Variants in ZFYVE26 observed in about 807,000 individuals in gnomAD.
The protein encoded by ZFYVE26 is zinc finger FYVE-type containing 26.
ZFYVE26 carries 181 observed loss-of-function variants against 276.5 expected under a neutral mutation model. The ratio of observed to expected loss-of-function variants is 0.65; its 90% CI spans 0.58 to 0.74. The LOEUF is 0.74. ZFYVE26 is among the 30% of genes least tolerant of loss of function. The pLI, the probability that ZFYVE26 is intolerant of heterozygous loss-of-function variation, is 0.00. For synonymous variants in ZFYVE26, 1,129 were observed against 1,203.1 expected, an observed-to-expected ratio of 0.94 and a Z score of 1.27; for missense variants, 2,821 against 3,097.9, an observed-to-expected ratio of 0.91 and a Z score of 2.12.
chr14:67,755,990 C>G lies in ZFYVE26; in HGVS notation c.6744G>C (p.Lys2248Asn). Residue 2248 changes from lysine (K) to asparagine (N), a missense_variant, in exon 36 of 42, where the codon AAG becomes AAC. Transcript: ENST00000347230. ...GCTCATACAGAATGTGGTAGTAGTTCTTCTTCTGTAAATGTTGGCAGGCAG... is the reference window on the plus strand; with the variant it reads ...GCTCATACAGAATGTGGTAGTAGTTGTTCTTCTGTAAATGTTGGCAGGCAG... ...LIAACQHLQK[K>N]NYYHILYELQ... 2 of 1,614,194 alleles carry G rather than the reference C, an allele frequency of 1.2e-6. No individual in the cohort carries two copies. Among genetic ancestry groups the G allele is most frequent in the South Asian group, 1.1e-5 (1 of 91,084 alleles).
chr14:67,750,972 G>T (rs1275479056), intron 41 of ZFYVE26, 80 bp downstream of exon 41: 2 of 1,542,610 alleles, frequency 1.3e-6, no homozygotes, highest in South Asian at 1.1e-5. Flanking sequence ...CTATTGTGGG[G>T]AGCAAGGGAT....
In ZFYVE26 at chr14:67,799,571, G is replaced by A. The variant is rs557913481; in HGVS notation, c.1640-949C>T. 150 of 1,518,952 alleles carry A rather than the reference G, an allele frequency of 9.9e-5. 1 individual carries two copies. In the East Asian group the frequency reaches 2.9e-3, roughly 30 times the overall value. 94.1% of individuals were successfully genotyped at this position (1,518,952 alleles called of 1,614,324 possible). A position where few individuals can be genotyped will look rare whatever the true frequency, so the allele number is the denominator to read the frequency against. ...AAAGTACTGCAAGTCTTCCAAAGGA[G>A]GAGGGAAAAAATCTGCTCTCAAGAA... On this transcript the variant is annotated intron_variant, in intron 10 of 41. Transcript: ENST00000347230.
At chr14:67,756,369 T>A in intron 35 of ZFYVE26, 1 of 591,492 alleles carries the variant, frequency 1.7e-6, no homozygotes, top group Non-Finnish European at 3.0e-6. Context: ...TTATCTACCC[T>A]CACTGTCTCC....
At position 67,778,229 on chromosome 14, in the gene ZFYVE26, T is replaced by C. The variant is rs759468816; in HGVS notation, c.4694A>G (p.Glu1565Gly). 9.9e-6 allele frequency: 16 copies of C among 1,614,046 alleles called. No individual in the cohort carries two copies. The highest frequency in any genetic ancestry group is 1.4e-5 in the Non-Finnish European group (16 of 1,180,030). Reference protein sequence around the residue: ...LEAQEYELCEEWGCLYPIPRE... With the variant: ...LEAQEYELCEGWGCLYPIPRE... ...TGGAATGGGGTACAGGCAGCCCCAC[T>C]CTTCACACAGTTCATACTCCTGGAA... Residue 1565 changes from glutamate (E) to glycine (G), a missense_variant, in exon 24 of 42, where the codon GAG (glutamate) becomes GGG (glycine). By Grantham distance (98) the Glu-to-Gly change is moderately conservative. Transcript: ENST00000347230.
At chr14:67,804,850 G>C (rs993720925) in intron 8 of ZFYVE26, among the ~76,000 whole-genome samples, 4 of 152,184 alleles carry the variant, frequency 2.6e-5, no homozygotes, top group Non-Finnish European at 4.4e-5. Context: ...TCAGTTGCCT[G>C]ACTTTTATAA....
intron 2 of ZFYVE26, chr14:67,815,386 G>C (rs1237015414): frequency 1.1e-5 from 3 of 267,746 alleles, no homozygotes; most frequent in African/African-American, 6.6e-5. Context: ...CAATTATTTC[G>C]AAATAAAAAG....
At chr14:67,730,514 T>C (rs1369127943) in intron 13 of ZFYVE26, among the ~76,000 whole-genome samples, 1 of 152,262 alleles carries the variant, frequency 6.6e-6, no homozygotes, top group Non-Finnish European at 1.5e-5. Context: ...TTTCGGGTTT[T>C]AGATTTTTGG....
rs1434127979 is a variant in ZFYVE26 at position 67,783,268 on chromosome 14, G to C, written c.3884C>G (p.Ser1295Ter). The C allele has an allele frequency of 6.2e-7, 1 of 1,613,818 alleles. No individual in the cohort carries two copies. The highest frequency in any genetic ancestry group is 8.5e-7 in the Non-Finnish European group (1 of 1,179,820). Residue 1295 changes from serine to a stop codon, truncating the protein, a stop_gained, in exon 21 of 42, where the codon TCA becomes TGA. Coordinates refer to ENST00000347230, the MANE Select transcript of ZFYVE26 (RefSeq NM_015346.4). LOFTEE classifies it high-confidence loss of function. ...ERKPYSSPRD[S>*]SLPALTSSAL... ...AGAGGAGGTGAGGGCTGGGAGTGAT[G>C]AGTCCCTTGGGGAGGAGTAGGGCTT...
intron 10 of ZFYVE26, among the ~76,000 whole-genome samples, chr14:67,801,821 C>T (rs774585325): frequency 1.5e-4 from 23 of 152,236 alleles, no homozygotes; most frequent in Non-Finnish European, 2.9e-4. Context: ...CTATTCCTAC[C>T]GTGAAATATA....
intron 10 of ZFYVE26, chr14:67,799,704 T>C: frequency 1.1e-6 from 1 of 873,208 alleles, no homozygotes; most frequent in South Asian, 1.6e-5. Flanking sequence ...ACTCAACTCT[T>C]GAGAAAAGGT....
At chr14:67,790,452 G>C in intron 15 of ZFYVE26, 120 bp downstream of exon 15, 1 of 1,085,382 alleles carries the variant, frequency 9.2e-7, no homozygotes, top group South Asian at 1.3e-5. Flanking sequence ...TTTCAAGGCA[G>C]GTGTCCTGTA....
intron 13 of ZFYVE26, among the ~76,000 whole-genome samples, chr14:67,731,248 T>C (rs1246892266): frequency 7.5e-6 from 1 of 133,804 alleles, no homozygotes; most frequent in Non-Finnish European, 1.6e-5. Flanking sequence ...ATAGTCTCAC[T>C]CTGTTGCCCA....
At chr14:67,755,274 A>G (rs1447430458) in intron 36 of ZFYVE26, 24 bp from the exon 37 acceptor site, 7 of 1,613,386 alleles carry the variant, frequency 4.3e-6, no homozygotes, top group Non-Finnish European at 5.9e-6. Context: ...ATAAATGTTC[A>G]GGTCAAAGTA....
intron 40 of ZFYVE26, among the ~76,000 whole-genome samples, chr14:67,752,071 C>T (rs2038661214): frequency 6.6e-6 from 1 of 152,132 alleles, no homozygotes; most frequent in Non-Finnish European, 1.5e-5. Flanking sequence ...TCTAGAATTG[C>T]AGGAAGAAGC....
In ZFYVE26 at chr14:67,782,931, G is replaced by A. The variant is rs2140222812; in HGVS notation, c.4221C>T (p.Pro1407=). The A allele has an allele frequency of 6.2e-7, 1 of 1,614,230 alleles. No individual in the cohort carries two copies. Among genetic ancestry groups the A allele is most frequent in the Admixed American group, 1.7e-5 (1 of 60,032 alleles). ...CCTCACTCAGTACATCTAGGGCAAT[G>A]GGAGAATGTAGGCCCAGGAGAACGG... ...LSTVLLGLHS[P]IALDVLSEAF... is the part of the protein sequence containing the mutation. Residue 1407 remains proline, a synonymous_variant, in exon 21 of 42, where the codon CCC becomes CCT. Transcript: ENST00000347230.
At chr14:67,774,045 A>C (rs1452153210) in intron 27 of ZFYVE26, among the ~76,000 whole-genome samples, 1 of 152,172 alleles carries the variant, frequency 6.6e-6, no homozygotes, top group Non-Finnish European at 1.5e-5. Flanking sequence ...GCTCATTAAT[A>C]CTAGATTGCA....
At chr14:67,815,498 C>T (rs1361466422) in intron 2 of ZFYVE26, 2 of 501,526 alleles carry the variant, frequency 4.0e-6, no homozygotes, top group Non-Finnish European at 7.2e-6. Flanking sequence ...GCAGTTCCAC[C>T]ATCTATATTA....
intron 6 of ZFYVE26, among the ~76,000 whole-genome samples, chr14:67,806,300 C>T (rs1269995003): frequency 6.6e-6 from 1 of 152,220 alleles, no homozygotes; most frequent in East Asian, 1.9e-4. Flanking sequence ...CCAGAAAGCA[C>T]ATACATATAC....
chr14:67,775,803 T>C (rs1473616168), intron 26 of ZFYVE26, 57 bp downstream of exon 26: 1 of 1,612,634 alleles, frequency 6.2e-7, no homozygotes, highest in Non-Finnish European at 8.5e-7. Flanking sequence ...AAACTAAGAA[T>C]GCAGCATGGC....
Sources: gnomAD v4.1 joint callset for allele counts (sites outside exome capture counted in the v4.1 genomes callset) on GRCh38, gnomAD v4.1.1 for gene constraint, MANE v1.5 for transcripts, NCBI Gene and HGNC (gene_info 2026-07-23, HGNC 2026-07-21) for gene names.